Variants in KIZ observed in about 807,000 individuals in gnomAD.
The protein encoded by KIZ is centrosomal protein kizuna.
Under a neutral mutation model 79.6 loss-of-function variants are expected in KIZ, and 68 were observed. That is an observed-to-expected ratio of 0.85 (90% CI 0.70 to 1.05). The LOEUF is 1.05. Among genes scored for constraint, KIZ ranks in the 50% least tolerant of loss-of-function variants. The pLI is 0.00. For missense variants in KIZ, 797 were observed against 800.4 expected (o/e 1.00, Z 0.05); for synonymous variants, 280 against 281.8 (o/e 0.99, Z 0.06).
In KIZ at chr20:21,236,117, C is replaced by A. The variant is rs541409317; in HGVS notation, c.1880+3287C>A. On this transcript the variant is annotated intron_variant, in intron 11 of 12. Transcript: ENST00000619189. ...CACAAGCCTACATACGTTGTTTTTT[C>A]TGCACAAAGCAAATAAGAACAATCG... Among the ~76,000 whole-genome samples, 8 of 152,268 alleles carry A rather than the reference C, an allele frequency of 5.3e-5. No homozygotes were observed. The South Asian group carries it at 1.0e-3, about 20-fold the overall frequency.
intron 6 of KIZ, among the ~76,000 whole-genome samples, chr20:21,187,088 A>G (rs955970203): frequency 1.3e-5 from 2 of 152,170 alleles, no homozygotes; most frequent in Non-Finnish European, 2.9e-5. Flanking sequence ...TGGGATACTT[A>G]TATTCCAAAA....
At chr20:21,175,058 C>T (rs1006871455) in intron 6 of KIZ, among the ~76,000 whole-genome samples, 3 of 152,180 alleles carry the variant, frequency 2.0e-5, no homozygotes, top group Non-Finnish European at 4.4e-5. Flanking sequence ...CCTTTGGCAC[C>T]TCAATACTGG....
At chr20:21,207,696 T>C (rs1010226187) in intron 7 of KIZ, among the ~76,000 whole-genome samples, 1 of 151,922 alleles carries the variant, frequency 6.6e-6, no homozygotes, top group African/African-American at 2.4e-5. Flanking sequence ...TGCTGATGAA[T>C]GTAGATCTTT....
At chr20:21,217,116 G>A (rs16982600) in intron 9 of KIZ, among the ~76,000 whole-genome samples, 5,493 of 152,236 alleles carry the variant, frequency 0.036, 296 homozygotes, top group African/African-American at 0.12. Context: ...CCTTGTGCCA[G>A]AATATTAGAC....
At chr20:21,126,037 A>T, upstream of KIZ, 2 of 1,397,196 alleles carry the variant, frequency 1.4e-6, no homozygotes, top group Non-Finnish European at 1.9e-6. Context: ...CCCGCGGTGC[A>T]TGGTGGGGCG....
chr20:21,136,875 A>G (rs1195361410), intron 3 of KIZ, among the ~76,000 whole-genome samples: 1 of 152,174 alleles, frequency 6.6e-6, no homozygotes, highest in Admixed American at 6.5e-5. Flanking sequence ...CATAATTAGG[A>G]TTAAGTATCA....
chr20:21,220,948 G>T (rs2036483624), intron 9 of KIZ, among the ~76,000 whole-genome samples: 1 of 152,146 alleles, frequency 6.6e-6, no homozygotes, highest in Non-Finnish European at 1.5e-5. Context: ...GGAGAGGTGG[G>T]CAGCATGCAA....
At chr20:21,175,660 A>G (rs76039348) in intron 6 of KIZ, among the ~76,000 whole-genome samples, 2,521 of 152,272 alleles carry the variant, frequency 0.017, 67 homozygotes, top group African/African-American at 0.057. Flanking sequence ...GGGATCCTGT[A>G]TAGTAGCAGG....
At chr20:21,166,359 T>A in intron 6 of KIZ, 1 of 1,604,480 alleles carries the variant, frequency 6.2e-7, no homozygotes, top group African/African-American at 1.3e-5. Context: ...GAGTTGCACG[T>A]CAAATCTGGA....
At position 21,229,040 on chromosome 20, in the gene KIZ, G is replaced by A. The variant is rs1459145048; in HGVS notation, c.1708G>A (p.Ala570Thr). ...ETEAYQLLKKATLQDNTNQTE... is the reference protein window; with the variant it reads ...ETEAYQLLKKTTLQDNTNQTE... Reference sequence around the variant, plus strand: ...AGAAGCCTATCAGTTGCTGAAGAAGGCCACCCTTCAGGATAATACAAATCA... The same window carrying A: ...AGAAGCCTATCAGTTGCTGAAGAAGACCACCCTTCAGGATAATACAAATCA... Residue 570 changes from alanine to threonine, a missense_variant, in exon 10 of 13, where the codon GCC becomes ACC. By Grantham distance (58) the Ala-to-Thr change is moderately conservative (BLOSUM62 0). Coordinates refer to ENST00000619189, the MANE Select transcript of KIZ (RefSeq NM_018474.6). The A allele has an allele frequency of 1.9e-6, 3 of 1,610,478 alleles. No individual in the cohort carries two copies. The highest frequency in any genetic ancestry group is 2.7e-5 in the African/African-American group (2 of 74,836).
At position 21,145,667 on chromosome 20, in the gene KIZ, A is replaced by G. The variant is rs1475844565; in HGVS notation, c.405+13A>G. 8.3e-7 allele frequency: 1 copy of G among 1,199,392 alleles called. No individual in the cohort carries two copies. The highest frequency in any genetic ancestry group is 2.4e-5 in the Admixed American group (1 of 42,430). 74.3% of individuals were successfully genotyped at this position (1,199,392 alleles called of 1,614,324 possible). ...AGACAGAGAAAAGGTAATAAACTAA[A>G]TTGGTAACCTTTCTGTTAACAGAGG... On this transcript the variant is annotated intron_variant, in intron 4 of 12. Coordinates refer to ENST00000619189, the MANE Select transcript of KIZ (RefSeq NM_018474.6).
chr20:21,126,802 A>G (rs181084042), intron 1 of KIZ, among the ~76,000 whole-genome samples: 1 of 152,202 alleles, frequency 6.6e-6, no homozygotes, highest in African/African-American at 2.4e-5. Context: ...TAAGATATGA[A>G]AGATGGGAAC....
intron 6 of KIZ, chr20:21,196,848 C>G (rs1548254): frequency 0.43 from 64,992 of 152,016 alleles, 15,957 homozygotes; most frequent in African/African-American, 0.69. Flanking sequence ...CAGAGTAGGG[C>G]TAAGCCTGAG....
intron 6 of KIZ, among the ~76,000 whole-genome samples, chr20:21,180,435 G>A (rs1415410372): frequency 1.3e-5 from 2 of 152,042 alleles, no homozygotes; most frequent in African/African-American, 4.8e-5. Flanking sequence ...GGTGGGGCGA[G>A]GGACGGGTGC....
intron 3 of KIZ, among the ~76,000 whole-genome samples, chr20:21,138,555 A>G (rs2032328655): frequency 6.6e-6 from 1 of 152,190 alleles, no homozygotes; most frequent in South Asian, 2.1e-4. Context: ...AAATAGTTAC[A>G]CCTGAGGTTA....
At chr20:21,162,625 A>G in intron 5 of KIZ, 118 bp downstream of exon 5, 2 of 869,846 alleles carry the variant, frequency 2.3e-6, no homozygotes, top group East Asian at 2.6e-5. Flanking sequence ...AACAAATTCC[A>G]TTCTAATGAA....
chr20:21,237,830 C>G (rs1019185287), intron 11 of KIZ, among the ~76,000 whole-genome samples: 2 of 152,024 alleles, frequency 1.3e-5, no homozygotes, highest in African/African-American at 4.8e-5. Flanking sequence ...GGCTTCGTTT[C>G]ATTTATTTAT....
At chr20:21,126,526 C>T (rs2031483949) in intron 1 of KIZ, among the ~76,000 whole-genome samples, 1 of 152,156 alleles carries the variant, frequency 6.6e-6, no homozygotes, top group Admixed American at 6.6e-5. Flanking sequence ...TGTCACTCTC[C>T]ATCAAGCCTT....
chr20:21,169,993 T>C (rs4815028), intron 6 of KIZ, among the ~76,000 whole-genome samples: 95,872 of 151,968 alleles, frequency 0.63, 30,684 homozygotes, highest in South Asian at 0.78. Flanking sequence ...TGGTGGCTTC[T>C]GGGTTTTGCC....
Sources: allele counts gnomAD v4.1 joint callset (sites outside exome capture counted in the v4.1 genomes callset), GRCh38; gene constraint gnomAD v4.1.1; transcripts MANE v1.5; gene names NCBI Gene and HGNC (gene_info 2026-07-23, HGNC 2026-07-21).